The following NTRK3 variants were observed in gnomAD, a reference collection of about 807,000 sequenced individuals.
NTRK3 encodes the protein neurotrophic receptor tyrosine kinase 3.
In NTRK3, 24 loss-of-function variants were observed where a neutral mutation model predicts 91.7. That is an observed-to-expected ratio of 0.26 (90% confidence interval 0.19 to 0.37). The LOEUF is 0.37. Among genes scored for constraint, NTRK3 ranks in the 10% least tolerant of loss-of-function variants. The pLI is 1.00. For missense variants in NTRK3, 880 were observed against 1,068.9 expected (o/e 0.82, Z 2.46); for synonymous variants, 483 against 404.0 (o/e 1.20, Z -2.34).
intron 13 of NTRK3, among the ~76,000 whole-genome samples, chr15:88,078,881 G>C (rs1369817039): frequency 6.6e-6 from 1 of 152,226 alleles, no homozygotes; most frequent in Non-Finnish European, 1.5e-5. Context: ...ACGAGCACGG[G>C]GGAAAGTGGC....
At chr15:87,870,750 G>A (rs1306478792) in exon 19 of NTRK3, 1 of 223,386 alleles carries the variant, frequency 4.5e-6, no homozygotes, top group Non-Finnish European at 8.9e-6. Context: ...ATACTAAACT[G>A]AAAAGCAAGA....
chr15:88,245,817 A>G (rs923824560), intron 3 of NTRK3, among the ~76,000 whole-genome samples: 1 of 152,202 alleles, frequency 6.6e-6, no homozygotes, highest in Non-Finnish European at 1.5e-5. Flanking sequence ...GGGTCTCAGG[A>G]TGTAAGAGGC....
At chr15:87,894,777 C>T (rs1250394237) in intron 17 of NTRK3, among the ~76,000 whole-genome samples, 1 of 152,184 alleles carries the variant, frequency 6.6e-6, no homozygotes, top group Admixed American at 6.5e-5. Flanking sequence ...GAAATAGCAG[C>T]CTGGTCTTCA....
chr15:88,249,921 C>T (rs1350178067), intron 3 of NTRK3, among the ~76,000 whole-genome samples: 1 of 152,172 alleles, frequency 6.6e-6, no homozygotes, highest in Non-Finnish European at 1.5e-5. Flanking sequence ...ACTCAGCCGC[C>T]CTTTGCAAGT....
chr15:88,244,967 G>A (rs959578419), intron 3 of NTRK3, among the ~76,000 whole-genome samples: 2 of 152,226 alleles, frequency 1.3e-5, no homozygotes, highest in Non-Finnish European at 2.9e-5. Flanking sequence ...TTCTGGGGCT[G>A]CAGAGTGGGG....
At chr15:88,127,373 C>T in intron 11 of NTRK3, 147 bp from the exon 12 acceptor site, 2 of 737,074 alleles carry the variant, frequency 2.7e-6, no homozygotes, top group East Asian at 2.7e-5. Flanking sequence ...TCTGCCTTCC[C>T]CAGGCTTTGC....
chr15:88,219,857 C>T (rs1274700755), intron 3 of NTRK3, among the ~76,000 whole-genome samples: 1 of 152,240 alleles, frequency 6.6e-6, no homozygotes, highest in Non-Finnish European at 1.5e-5. Context: ...GCATTATCCC[C>T]ACTGCACACA....
At chr15:87,951,628 G>C (rs767281352) in intron 14 of NTRK3, among the ~76,000 whole-genome samples, 2 of 152,210 alleles carry the variant, frequency 1.3e-5, no homozygotes, top group South Asian at 2.1e-4. Context: ...GAAATGAACA[G>C]GTCACCCAGT....
chr15:88,090,228 ATTTG>A (rs2048892363), intron 13 of NTRK3, among the ~76,000 whole-genome samples: 1 of 152,110 alleles, frequency 6.6e-6, no homozygotes, highest in Non-Finnish European at 1.5e-5. Context: ...TTATAGGTTC[ATTTG>A]TTTGTTTATT....
intron 13 of NTRK3, among the ~76,000 whole-genome samples, chr15:88,121,700 G>A (rs16941302): frequency 6.6e-6 from 1 of 152,190 alleles, no homozygotes; most frequent in African/African-American, 2.4e-5. Flanking sequence ...CAATCAAAGA[G>A]TTAATGTCTA....
exon 19 of NTRK3, chr15:87,871,891 G>A (rs1391060367): frequency 4.5e-6 from 1 of 220,366 alleles, no homozygotes; most frequent in East Asian, 6.6e-5. Context: ...ATTTTCCCAA[G>A]CCCATATTGA....
intron 13 of NTRK3, among the ~76,000 whole-genome samples, chr15:88,054,682 T>C (rs975565733): frequency 4.6e-5 from 7 of 152,024 alleles, no homozygotes; most frequent in African/African-American, 1.4e-4. Context: ...GAGGCCAAAA[T>C]ACTCCTGGAT....
Position 87,959,929 on chromosome 15 carries a change from G to A in NTRK3, c.1586-19176C>T, listed in dbSNP as rs999053609. Among the ~76,000 whole-genome samples the A allele has an allele frequency of 8.5e-5, 13 of 152,204 alleles. No homozygotes were observed. The East Asian group carries it at 2.1e-3, about 25-fold the overall frequency. On this transcript the variant is annotated intron_variant, in intron 14 of 18. Transcript: ENST00000394480. ...GCATGGCCACCAAGTTGAATTCTCA[G>A]ACATGTGGGAAACTGGAGATGAAGG...
chr15:87,966,074 T>TCAAACAAACAAA (rs3028147), intron 14 of NTRK3, among the ~76,000 whole-genome samples: 2 of 148,456 alleles, frequency 1.3e-5, no homozygotes, highest in Non-Finnish European at 3.0e-5. Flanking sequence ...CAAAACTGTC[T>TCAAACAAACAAA]CAAACAAACA....
chr15:88,063,930 CAT>C (rs1391717391), intron 13 of NTRK3, among the ~76,000 whole-genome samples: 5 of 152,226 alleles, frequency 3.3e-5, no homozygotes, highest in Non-Finnish European at 7.3e-5. Context: ...TCCCAAAAGA[CAT>C]ATGTCCACCT....
chr15:88,209,658 C>G (rs1165104270), intron 3 of NTRK3, among the ~76,000 whole-genome samples: 1 of 152,238 alleles, frequency 6.6e-6, no homozygotes, highest in African/African-American at 2.4e-5. Flanking sequence ...GAGCCAGGAA[C>G]AGCAGGGACT....
chr15:88,021,120 G>A (rs2077560146), intron 14 of NTRK3, among the ~76,000 whole-genome samples: 1 of 152,202 alleles, frequency 6.6e-6, no homozygotes, highest in South Asian at 2.1e-4. Context: ...TCTAGGAAGA[G>A]AACAACAGGC....
At chr15:88,176,136 CT>C (rs139583264) in intron 5 of NTRK3, among the ~76,000 whole-genome samples, 210 of 116,070 alleles carry the variant, frequency 1.8e-3, no homozygotes, top group East Asian at 0.012. Flanking sequence ...TATGCCCCTT[CT>C]TTTTTTTTTT....
At chr15:87,912,927 A>T (rs867876205) in intron 17 of NTRK3, among the ~76,000 whole-genome samples, 2 of 96,228 alleles carry the variant, frequency 2.1e-5, no homozygotes, top group African/African-American at 6.1e-5. Flanking sequence ...AAAAAGTAAA[A>T]AAAAATATAT....
Sources: allele counts gnomAD v4.1 joint callset (sites outside exome capture counted in the v4.1 genomes callset), GRCh38; gene constraint gnomAD v4.1.1; transcripts MANE v1.5; gene names NCBI Gene and HGNC (gene_info 2026-07-23, HGNC 2026-07-21).